Variants in CSMD1 observed in about 807,000 individuals in gnomAD.
CSMD1 encodes the protein CUB and Sushi multiple domains 1.
A neutral mutation model predicts 417.5 loss-of-function variants in CSMD1; 213 were observed. That is an observed-to-expected ratio of 0.51 (90% CI 0.46 to 0.57). The LOEUF (loss-of-function observed/expected upper bound fraction) is 0.57, where lower values mean the gene tolerates loss of function less well. Among genes scored for constraint, CSMD1 ranks in the 20% least tolerant of loss-of-function variants. The pLI is 0.00. For missense variants in CSMD1, 6,923 were observed against 4,529.7 expected, an observed-to-expected ratio of 1.53 and a Z score of -15.17; for synonymous variants, 2,862 against 1,736.8, an observed-to-expected ratio of 1.65 and a Z score of -16.11.
chr8:3,927,353 G>T (rs1266481320), intron 5 of CSMD1, among the ~76,000 whole-genome samples: 1 of 151,824 alleles, frequency 6.6e-6, no homozygotes, highest in South Asian at 2.1e-4. Context: ...ATGGAAAAAG[G>T]AAAGGTATCA....
Position 3,796,362 on chromosome 8 carries a change from TAG to T in CSMD1, c.819-42322_819-42321del, listed in dbSNP as rs2129070347. Among the ~76,000 whole-genome samples the T allele has an allele frequency of 2.1e-5, 2 of 95,908 alleles. 1 individual carries two copies. The highest frequency in any genetic ancestry group is 7.5e-5 in the African/African-American group (2 of 26,750). The allele number at this position is 95,908 out of a possible 152,430, so 62.9% of individuals were successfully genotyped here. Reference sequence around the variant, plus strand: ...GATATATATCTATCATGTATAGATATAGATATCTATCATGTATATATATATCT... The same window carrying T: ...GATATATATCTATCATGTATAGATATATATCTATCATGTATATATATATCT... On this transcript the variant is annotated intron_variant, in intron 5 of 69. Coordinates refer to ENST00000635120, the MANE Select transcript of CSMD1 (RefSeq NM_033225.6).
At chr8:4,332,592 C>G (rs1799931622) in intron 3 of CSMD1, among the ~76,000 whole-genome samples, 3 of 91,054 alleles carry the variant, frequency 3.3e-5, no homozygotes, top group African/African-American at 4.7e-5. Flanking sequence ...CACACACACA[C>G]ACACACACAC....
intron 3 of CSMD1, among the ~76,000 whole-genome samples, chr8:4,067,069 A>C (rs1799290375): frequency 6.6e-6 from 1 of 152,262 alleles, no homozygotes; most frequent in African/African-American, 2.4e-5. Context: ...GCGAAGACTG[A>C]AATTCAGACA....
intron 3 of CSMD1, among the ~76,000 whole-genome samples, chr8:4,388,954 G>A (rs1053392955): frequency 2.6e-5 from 4 of 152,004 alleles, no homozygotes; most frequent in African/African-American, 7.2e-5. Flanking sequence ...CCATCTCTAC[G>A]TCTCTTACCT....
intron 26 of CSMD1, among the ~76,000 whole-genome samples, chr8:3,261,030 C>T (rs1007140325): frequency 6.6e-6 from 1 of 152,132 alleles, no homozygotes; most frequent in Admixed American, 6.5e-5. Context: ...AAACCTTTCA[C>T]TGTAGAGGAA....
chr8:3,299,094 C>T (rs1196064092), intron 25 of CSMD1, among the ~76,000 whole-genome samples: 3 of 151,996 alleles, frequency 2.0e-5, no homozygotes, highest in African/African-American at 7.2e-5. Context: ...ATTTTTTATT[C>T]AAATGTAAAA....
intron 3 of CSMD1, among the ~76,000 whole-genome samples, chr8:4,340,552 C>T (rs547412889): frequency 8.5e-5 from 13 of 152,120 alleles, no homozygotes; most frequent in Non-Finnish European, 1.9e-4. Context: ...GCAGGATTGT[C>T]CAAGGGCAAT....
At chr8:4,913,359 T>C (rs1377388472) in intron 1 of CSMD1, among the ~76,000 whole-genome samples, 2 of 152,234 alleles carry the variant, frequency 1.3e-5, no homozygotes, top group Admixed American at 6.5e-5. Context: ...CCTTAAAATG[T>C]TTCTGGCGGG....
At chr8:3,201,861 C>A in intron 31 of CSMD1, 136 bp from the exon 32 acceptor site, 1 of 451,410 alleles carries the variant, frequency 2.2e-6, no homozygotes, top group East Asian at 3.3e-5. Flanking sequence ...TAAATATTAA[C>A]TTATTTTCTC....
At chr8:3,548,534 G>A (rs1003190682) in intron 10 of CSMD1, among the ~76,000 whole-genome samples, 1 of 151,752 alleles carries the variant, frequency 6.6e-6, no homozygotes, top group Non-Finnish European at 1.5e-5. Context: ...CTTGGAATGA[G>A]AACATACGAT....
At chr8:4,835,902 G>C (rs1224069281) in intron 1 of CSMD1, among the ~76,000 whole-genome samples, 1 of 151,544 alleles carries the variant, frequency 6.6e-6, no homozygotes, top group African/African-American at 2.4e-5. Flanking sequence ...TTCTCTTTTT[G>C]GAAATGTAAG....
At chr8:3,314,994 G>C (rs1239498228) in intron 23 of CSMD1, among the ~76,000 whole-genome samples, 1 of 152,130 alleles carries the variant, frequency 6.6e-6, no homozygotes, top group Non-Finnish European at 1.5e-5. Context: ...CTGAAGAAAA[G>C]GAATACTGGT....
intron 55 of CSMD1, 25 bp downstream of exon 55, chr8:2,978,587 G>T: frequency 1.3e-6 from 2 of 1,554,016 alleles, no homozygotes; most frequent in African/African-American, 1.4e-5. Flanking sequence ...TCTCTGCACA[G>T]AAATTGGGAA....
At chr8:3,991,769 G>A (rs1231080820) in intron 5 of CSMD1, among the ~76,000 whole-genome samples, 3 of 152,242 alleles carry the variant, frequency 2.0e-5, no homozygotes, top group South Asian at 4.1e-4. Context: ...TTTTTAAAAG[G>A]AGGAGGAAAT....
At chr8:3,364,615 G>C (rs979194021) in intron 20 of CSMD1, among the ~76,000 whole-genome samples, 2 of 152,106 alleles carry the variant, frequency 1.3e-5, no homozygotes, top group Non-Finnish European at 2.9e-5. Flanking sequence ...TTTATGTCAT[G>C]AGGGACCCAC....
rs143820904 is a variant in CSMD1 at position 3,376,034 on chromosome 8, C to G, written c.2783-6664G>C. 1.3e-4 allele frequency among the ~76,000 whole-genome samples: 20 copies of G among 152,240 alleles called. No individual in the cohort carries two copies. The East Asian group carries it at 3.9e-3, about 29-fold the overall frequency. On this transcript the variant is annotated intron_variant, in intron 18 of 69. Transcript: ENST00000635120. ...TTTATCCTCATCCACTTTTCTGTGT[C>G]TAATAAAGCACTTACTTCATTGTGT...
At chr8:3,597,359 C>A (rs539394405) in intron 8 of CSMD1, among the ~76,000 whole-genome samples, 1 of 146,390 alleles carries the variant, frequency 6.8e-6, no homozygotes, top group South Asian at 2.2e-4. Flanking sequence ...CTCACTCTCG[C>A]TTCACTGGAA....
At chr8:4,847,059 C>G (rs1045760712) in intron 1 of CSMD1, among the ~76,000 whole-genome samples, 1 of 151,748 alleles carries the variant, frequency 6.6e-6, no homozygotes, top group Non-Finnish European at 1.5e-5. Flanking sequence ...TGATAATTGG[C>G]GAACTTTGTC....
At chr8:2,940,961 C>T (rs1801830397) in intron 69 of CSMD1, among the ~76,000 whole-genome samples, 1 of 152,076 alleles carries the variant, frequency 6.6e-6, no homozygotes. Context: ...TGTGTATATC[C>T]CTTTAAGAAG....
Sources: allele counts gnomAD v4.1 joint callset (sites outside exome capture counted in the v4.1 genomes callset), GRCh38; gene constraint gnomAD v4.1.1; transcripts MANE v1.5; gene names NCBI Gene and HGNC (gene_info 2026-07-23, HGNC 2026-07-21).